FRMPD4: variants seen among roughly 807,000 people sequenced by gnomAD.
The protein encoded by FRMPD4 is FERM and PDZ domain-containing protein 4.
In FRMPD4, 22 loss-of-function variants were observed where a neutral mutation model predicts 94.1. The ratio of observed to expected loss-of-function variants is 0.23; its 90% CI spans 0.17 to 0.33. FRMPD4 has a LOEUF of 0.33. Ranked by LOEUF, FRMPD4 falls within the 10% of genes least tolerant of loss-of-function variation. The pLI is 1.00. For synonymous variants in FRMPD4, 631 were observed against 548.6 expected (o/e 1.15, Z -2.10); for missense variants, 1,111 against 1,339.9 (o/e 0.83, Z 2.67).
chrX:12,193,857 G>A (rs5933967), intron 1 of FRMPD4, among the ~76,000 whole-genome samples: 788 of 52,080 alleles, frequency 0.015, 122 homozygotes, highest in Non-Finnish European at 0.024. Flanking sequence ...GAAAGAAAAA[G>A]GAAGGAAGGA....
At chrX:12,688,095 T>C (rs776263402) in intron 7 of FRMPD4, among the ~76,000 whole-genome samples, 2 of 112,327 alleles carry the variant, frequency 1.8e-5, no homozygotes, top group Non-Finnish European at 3.8e-5. Flanking sequence ...AAGGTTAATC[T>C]GTTACTTCAC....
chrX:12,001,281 A>C (rs1188507290), intron 3 of FRMPD4, among the ~76,000 whole-genome samples: 2 of 112,189 alleles, frequency 1.8e-5, no homozygotes, highest in Non-Finnish European at 3.8e-5. Flanking sequence ...AGACAACCAC[A>C]TCTATTATAT....
chrX:11,884,286 A>G (rs950261539), intron 3 of FRMPD4, among the ~76,000 whole-genome samples: 4 of 112,295 alleles, frequency 3.6e-5, no homozygotes, highest in Non-Finnish European at 5.6e-5. Context: ...TTTATATTCA[A>G]TAAAGAATTA....
At chrX:12,186,091 G>C (rs984484745) in intron 1 of FRMPD4, among the ~76,000 whole-genome samples, 1 of 111,298 alleles carries the variant, frequency 9.0e-6, no homozygotes, top group African/African-American at 3.3e-5. Flanking sequence ...GCAGTTCCTT[G>C]AATTGCCTCC....
chrX:12,345,335 CTGG>C (rs2055689270), intron 1 of FRMPD4, among the ~76,000 whole-genome samples: 1 of 111,570 alleles, frequency 9.0e-6, no homozygotes, highest in African/African-American at 3.3e-5. Flanking sequence ...TGCTCACAGC[CTGG>C]TTATGGATGT....
chrX:12,059,747 C>T (rs990413200), intron 3 of FRMPD4, among the ~76,000 whole-genome samples: 3 of 111,049 alleles, frequency 2.7e-5, no homozygotes, highest in Admixed American at 1.9e-4. Context: ...TGGAGGATAA[C>T]GGCCTCCAGC....
intron 4 of FRMPD4, among the ~76,000 whole-genome samples, chrX:12,654,734 T>G (rs1046323883): frequency 9.0e-6 from 1 of 111,595 alleles, no homozygotes; most frequent in Non-Finnish European, 1.9e-5. Flanking sequence ...CAAGCATGAA[T>G]ACGTATGAGA....
At chrX:11,945,834 G>A (rs772132331) in intron 3 of FRMPD4, among the ~76,000 whole-genome samples, 18 of 111,503 alleles carry the variant, frequency 1.6e-4, no homozygotes, top group South Asian at 3.9e-4. Context: ...TCAACACTGG[G>A]GATCACACTT....
intron 4 of FRMPD4, among the ~76,000 whole-genome samples, chrX:12,621,121 G>T (rs897906902): frequency 4.5e-5 from 5 of 111,367 alleles, no homozygotes; most frequent in Non-Finnish European, 9.4e-5. Context: ...TCCCAGCTAC[G>T]CCGGAGGCTG....
intron 1 of FRMPD4, among the ~76,000 whole-genome samples, chrX:12,363,817 C>A (rs1289329659): frequency 9.0e-6 from 1 of 111,545 alleles, no homozygotes; most frequent in Non-Finnish European, 1.9e-5. Context: ...AGTGCGGTGA[C>A]AAGTTGCCAA....
At chrX:12,136,914 CACACACACACAT>C (rs1404484298), upstream of FRMPD4, among the ~76,000 whole-genome samples, 156 of 108,186 alleles carry the variant, frequency 1.4e-3, 1 homozygote, top group Middle Eastern at 0.014. Flanking sequence ...CACACACACA[CACACACACACAT>C]ACACACACAC....
chrX:11,843,486 A>C (rs1237828337), intron 1 of FRMPD4, among the ~76,000 whole-genome samples: 3 of 112,038 alleles, frequency 2.7e-5, no homozygotes, highest in African/African-American at 9.7e-5. Flanking sequence ...TTTAAAGAAG[A>C]AATAAGAAAA....
chrX:12,477,919 A>G (rs1363001113), intron 1 of FRMPD4, among the ~76,000 whole-genome samples: 1 of 112,147 alleles, frequency 8.9e-6, no homozygotes, highest in Non-Finnish European at 1.9e-5. Flanking sequence ...AGAACTACAC[A>G]TTTGGATTCC....
intron 1 of FRMPD4, among the ~76,000 whole-genome samples, chrX:12,251,631 A>T (rs2054041165): frequency 9.0e-6 from 1 of 111,721 alleles, no homozygotes; most frequent in South Asian, 3.8e-4. Context: ...CTCCCTCACC[A>T]GGTGTTCCTT....
chrX:12,387,584 G>A (rs754593079), intron 1 of FRMPD4, among the ~76,000 whole-genome samples: 22 of 111,580 alleles, frequency 2.0e-4, no homozygotes, highest in Non-Finnish European at 4.1e-4. Flanking sequence ...TGAATTCATC[G>A]TGGATCAACA....
intron 3 of FRMPD4, among the ~76,000 whole-genome samples, chrX:11,995,687 G>T (rs2054492688): frequency 9.0e-6 from 1 of 111,464 alleles, no homozygotes; most frequent in African/African-American, 3.3e-5. Flanking sequence ...CACCATAATT[G>T]CTAATATAAT....
chrX:12,029,357 C>T (rs952516110), intron 3 of FRMPD4, among the ~76,000 whole-genome samples: 5 of 112,091 alleles, frequency 4.5e-5, no homozygotes, highest in Non-Finnish European at 9.4e-5. Flanking sequence ...TGGTATATTT[C>T]GGATAGCAGT....
At chrX:12,330,154 G>T (rs944632855) in intron 1 of FRMPD4, among the ~76,000 whole-genome samples, 40 of 111,246 alleles carry the variant, frequency 3.6e-4, no homozygotes, top group African/African-American at 1.3e-3. Context: ...TAAATAAAGA[G>T]TACTCAACAA....
At chrX:12,303,817 G>GC (rs1020796609) in intron 1 of FRMPD4, among the ~76,000 whole-genome samples, 2 of 112,348 alleles carry the variant, frequency 1.8e-5, no homozygotes, top group Admixed American at 9.4e-5. Context: ...AAAATGCTGT[G>GC]CTAACTATAG....
Sources: allele counts gnomAD v4.1 joint callset (sites outside exome capture counted in the v4.1 genomes callset), GRCh38; gene constraint gnomAD v4.1.1; transcripts MANE v1.5; gene names NCBI Gene and HGNC (gene_info 2026-07-23, HGNC 2026-07-21).